The following PRKN variants were observed in gnomAD, a reference collection of about 807,000 sequenced individuals.
PRKN encodes E3 ubiquitin-protein ligase parkin.
Under a neutral mutation model 59.5 loss-of-function variants are expected in PRKN, and 56 were observed. That is an observed-to-expected ratio of 0.94 (90% CI 0.76 to 1.18). The LOEUF is 1.18. PRKN is among the 50% of genes most tolerant of loss of function. The pLI, the probability that PRKN is intolerant of heterozygous loss-of-function variation, is 0.00. For synonymous variants in PRKN, 250 were observed against 222.1 expected, an observed-to-expected ratio of 1.13 and a Z score of -1.12; for missense variants, 657 against 596.4, an observed-to-expected ratio of 1.10 and a Z score of -1.06.
chr6:161,764,422 T>A (rs1394892376), intron 7 of PRKN, among the ~76,000 whole-genome samples: 3 of 152,198 alleles, frequency 2.0e-5, no homozygotes, highest in Non-Finnish European at 2.9e-5. Flanking sequence ...CTTTATAAAT[T>A]GTAGAGGCCT....
chr6:161,466,096 G>A lies in PRKN; in HGVS notation c.1084-79219C>T, dbSNP rs1050752388. Among the ~76,000 whole-genome samples, 3 of 151,912 alleles carry A rather than the reference G, an allele frequency of 2.0e-5. No individual in the cohort carries two copies. The highest frequency in any genetic ancestry group is 4.4e-5 in the Non-Finnish European group (3 of 67,998). On this transcript the variant is annotated intron_variant, in intron 9 of 11. Transcript: ENST00000366898. The surrounding 1 kb of genome is among the most constrained non-coding windows in gnomAD (Gnocchi z 5.0). ...TGTGTGTGTGTGTCTGTGTGGGGAG[G>A]ACACTTAAGACCTAGTCTTAGCACA...
At chr6:161,978,022 T>C (rs923492905) in intron 5 of PRKN, among the ~76,000 whole-genome samples, 2 of 128,540 alleles carry the variant, frequency 1.6e-5, no homozygotes, top group African/African-American at 6.0e-5. Flanking sequence ...TATTGTATTT[T>C]ATTTTATTGT....
intron 1 of PRKN, among the ~76,000 whole-genome samples, chr6:162,716,900 A>G (rs1459635293): frequency 3.9e-5 from 6 of 152,166 alleles, no homozygotes; most frequent in Non-Finnish European, 7.4e-5. Flanking sequence ...CTTCCTTCAT[A>G]AGGAAGTACC....
At chr6:162,332,349 T>C (rs1486268597) in intron 2 of PRKN, among the ~76,000 whole-genome samples, 1 of 152,208 alleles carries the variant, frequency 6.6e-6, no homozygotes, top group Admixed American at 6.6e-5. Flanking sequence ...CCAGGAGCAG[T>C]GTCAACACAG....
intron 4 of PRKN, among the ~76,000 whole-genome samples, chr6:162,113,300 A>G (rs1780521059): frequency 6.6e-6 from 1 of 152,240 alleles, no homozygotes; most frequent in South Asian, 2.1e-4. Context: ...ATCCAAGTGT[A>G]AAGGATTATT....
intron 4 of PRKN, among the ~76,000 whole-genome samples, chr6:162,089,921 T>TAC (rs1779408613): frequency 6.6e-6 from 1 of 152,220 alleles, no homozygotes; most frequent in African/African-American, 2.4e-5. Flanking sequence ...TGCTACTGTG[T>TAC]ACAGGCTTTC....
chr6:162,687,652 T>C (rs1777622624), intron 1 of PRKN, among the ~76,000 whole-genome samples: 1 of 152,208 alleles, frequency 6.6e-6, no homozygotes, highest in Admixed American at 6.5e-5. Flanking sequence ...GCAATCTACA[T>C]GAAATACAAA....
At chr6:161,644,598 G>A (rs924116160) in intron 7 of PRKN, among the ~76,000 whole-genome samples, 9 of 152,272 alleles carry the variant, frequency 5.9e-5, no homozygotes, top group Admixed American at 3.9e-4. Flanking sequence ...CCTGACCTAG[G>A]CACTGCCATT....
intron 1 of PRKN, among the ~76,000 whole-genome samples, chr6:162,673,062 A>T (rs1403421446): frequency 1.3e-5 from 2 of 152,206 alleles, no homozygotes; most frequent in Non-Finnish European, 2.9e-5. Flanking sequence ...GTAAGTTATA[A>T]ACATATTCAT....
chr6:162,106,346 G>A lies in PRKN; in HGVS notation c.535-52172C>T, dbSNP rs374806129. ...CCAAAAGAACTAAGTGGAGAAACAC[G>A]TACAAGTGGCTAACTCTGGGGAACA... On this transcript the variant is annotated intron_variant, in intron 4 of 11. Coordinates refer to ENST00000366898, the MANE Select transcript of PRKN (RefSeq NM_004562.3). Among the ~76,000 whole-genome samples the A allele has an allele frequency of 2.6e-5, 4 of 151,486 alleles. No homozygotes were observed. In the East Asian group the frequency reaches 5.8e-4, roughly 22 times the overall value.
chr6:162,532,231 T>C (rs1217181866), intron 1 of PRKN, among the ~76,000 whole-genome samples: 1 of 101,944 alleles, frequency 9.8e-6, no homozygotes, highest in Non-Finnish European at 2.6e-5. Context: ...ACTATAAAAC[T>C]AGCAACCTAG....
intron 1 of PRKN, among the ~76,000 whole-genome samples, chr6:162,661,687 T>C (rs1204284939): frequency 2.6e-5 from 4 of 152,166 alleles, no homozygotes; most frequent in Non-Finnish European, 5.9e-5. Flanking sequence ...TATGACAGGG[T>C]TATGGCTGAA....
chr6:161,651,417 G>T (rs1405984852), intron 7 of PRKN, among the ~76,000 whole-genome samples: 1 of 152,210 alleles, frequency 6.6e-6, no homozygotes, highest in African/African-American at 2.4e-5. Context: ...GTCCCTGAGG[G>T]TGGGAGCAGA....
chr6:162,019,995 G>A (rs569490639), intron 5 of PRKN, among the ~76,000 whole-genome samples: 182 of 151,688 alleles, frequency 1.2e-3, no homozygotes, highest in Non-Finnish European at 2.0e-3. Flanking sequence ...CTCCAGCCTG[G>A]GCGACAAGAG....
chr6:162,443,438 C>T lies in PRKN; in HGVS notation c.43G>A (p.Val15Met), dbSNP rs532703934. Reference sequence around the variant, plus strand: ...ATGCTGGTGTCAGAATCGACCTCCACTGGGAAACCATGGCTGGAGTTGAAC... The same window carrying T: ...ATGCTGGTGTCAGAATCGACCTCCATTGGGAAACCATGGCTGGAGTTGAAC... ...VRFNSSHGFP[V>M]EVDSDTSIFQ... is the part of the protein sequence containing the mutation. Residue 15 changes from valine (V) to methionine (M), a missense_variant, in exon 2 of 12, where the codon GTG (valine) becomes ATG (methionine). Val to Met is a conservative substitution (Grantham distance 21, BLOSUM62 1). Transcript: ENST00000366898. 1 of 1,614,136 alleles carries T rather than the reference C, an allele frequency of 6.2e-7. No individual in the cohort carries two copies. Among genetic ancestry groups the T allele is most frequent in the South Asian group, 1.1e-5 (1 of 91,084 alleles).
intron 6 of PRKN, among the ~76,000 whole-genome samples, chr6:161,889,328 A>G (rs1307629749): frequency 1.3e-5 from 2 of 152,180 alleles, no homozygotes; most frequent in African/African-American, 4.8e-5. Flanking sequence ...AGCAGCTCCA[A>G]TCGCAACTGC....
intron 1 of PRKN, among the ~76,000 whole-genome samples, chr6:162,565,321 A>C (rs113559032): frequency 0.021 from 3,135 of 152,308 alleles, 104 homozygotes; most frequent in African/African-American, 0.07. Flanking sequence ...GAAAAGAAAG[A>C]AGGAAGAGAA....
intron 3 of PRKN, among the ~76,000 whole-genome samples, chr6:162,218,949 G>A (rs377181094): frequency 6.6e-6 from 1 of 152,114 alleles, no homozygotes; most frequent in East Asian, 1.9e-4. Context: ...CAAGAAAGGT[G>A]GATCACTTGA....
intron 2 of PRKN, among the ~76,000 whole-genome samples, chr6:162,433,616 GTTAA>G (rs887003153): frequency 2.0e-5 from 3 of 152,180 alleles, no homozygotes; most frequent in Admixed American, 2.0e-4. Flanking sequence ...GGAAGCAGAT[GTTAA>G]TTAACCACTT....
Sources: allele counts gnomAD v4.1 joint callset (sites outside exome capture counted in the v4.1 genomes callset), GRCh38; gene constraint gnomAD v4.1.1; non-coding constraint Gnocchi (gnomAD v3.1); transcripts MANE v1.5; gene names NCBI Gene and HGNC (gene_info 2026-07-23, HGNC 2026-07-21).